Variants in MPDZ observed in about 807,000 individuals in gnomAD.
The protein encoded by MPDZ is multiple PDZ domain protein.
MPDZ carries 234 observed loss-of-function variants against 239.1 expected under a neutral mutation model. The ratio of observed to expected loss-of-function variants is 0.98; its 90% confidence interval spans 0.88 to 1.09. MPDZ has a LOEUF of 1.09. Ranked by LOEUF, MPDZ falls within the 50% of genes least tolerant of loss-of-function variation. The pLI is 0.00. For missense variants in MPDZ, 3,175 were observed against 2,510.0 expected, an observed-to-expected ratio of 1.26 and a Z score of -5.66; for synonymous variants, 1,048 against 881.3, an observed-to-expected ratio of 1.19 and a Z score of -3.35.
chr9:13,145,881 A>G (rs575179674), intron 26 of MPDZ, among the ~76,000 whole-genome samples: 100 of 152,126 alleles, frequency 6.6e-4, no homozygotes, highest in African/African-American at 2.1e-3. Flanking sequence ...TCAGCAATTT[A>G]TAGTATTGTC....
chr9:13,107,211 T>TAC (rs894799603), intron 46 of MPDZ, 100 bp from the exon 47 acceptor site: 47 of 1,263,164 alleles, frequency 3.7e-5, no homozygotes, highest in African/African-American at 3.4e-4. Context: ...GCTCTGCTTG[T>TAC]ACACACACAC....
intron 26 of MPDZ, among the ~76,000 whole-genome samples, chr9:13,146,607 T>A (rs1291505382): frequency 6.6e-6 from 1 of 152,020 alleles, no homozygotes; most frequent in Non-Finnish European, 1.5e-5. Context: ...TGGGGGTTGT[T>A]AACTTAAATC....
intron 14 of MPDZ, among the ~76,000 whole-genome samples, chr9:13,192,748 G>A (rs1187131786): frequency 6.6e-6 from 1 of 152,058 alleles, no homozygotes; most frequent in African/African-American, 2.4e-5. Context: ...AAAAATACTG[G>A]CAGATTACAA....
At chr9:13,139,769 G>T (rs528585357) in intron 28 of MPDZ, 1 of 557,992 alleles carries the variant, frequency 1.8e-6, no homozygotes, top group East Asian at 3.5e-5. Context: ...GGCAGAGTGA[G>T]CTTTAACAGC....
At chr9:13,203,653 G>A (rs904864394) in intron 12 of MPDZ, among the ~76,000 whole-genome samples, 4 of 151,314 alleles carry the variant, frequency 2.6e-5, no homozygotes, top group African/African-American at 9.7e-5. Flanking sequence ...TCACTTAGAA[G>A]TTTGTGCTTT....
At chr9:13,179,410 T>C (rs1952970186) in intron 19 of MPDZ, among the ~76,000 whole-genome samples, 1 of 152,206 alleles carries the variant, frequency 6.6e-6, no homozygotes, top group African/African-American at 2.4e-5. Flanking sequence ...TCGCCCTTGT[T>C]AGCTGGGGTG....
intron 32 of MPDZ, among the ~76,000 whole-genome samples, chr9:13,129,144 CAACA>C (rs1269405136): frequency 2.0e-5 from 3 of 152,144 alleles, no homozygotes; most frequent in African/African-American, 4.8e-5. Context: ...ATATACACAT[CAACA>C]AACAATTTAT....
At chr9:13,203,356 G>T (rs1956614154) in intron 12 of MPDZ, among the ~76,000 whole-genome samples, 2 of 152,066 alleles carry the variant, frequency 1.3e-5, no homozygotes, top group African/African-American at 4.8e-5. Context: ...ATTTAAGCGG[G>T]TGAGATTATG....
At chr9:13,122,404 A>G (rs925041513) in intron 36 of MPDZ, among the ~76,000 whole-genome samples, 3 of 152,236 alleles carry the variant, frequency 2.0e-5, no homozygotes, top group African/African-American at 7.2e-5. Flanking sequence ...GAAAAAAACT[A>G]TAAAATAAAA....
intron 39 of MPDZ, among the ~76,000 whole-genome samples, chr9:13,117,616 T>C (rs1943678772): frequency 6.6e-6 from 1 of 152,116 alleles, no homozygotes; most frequent in Non-Finnish European, 1.5e-5. Flanking sequence ...AAAGTTTATA[T>C]AGTTTTTGTC....
At chr9:13,162,364 AT>A (rs1214320172) in intron 23 of MPDZ, among the ~76,000 whole-genome samples, 1 of 152,072 alleles carries the variant, frequency 6.6e-6, no homozygotes, top group African/African-American at 2.4e-5. Flanking sequence ...GAGTAAAAAA[AT>A]CATACAATTT....
intron 1 of MPDZ, among the ~76,000 whole-genome samples, chr9:13,264,916 G>C (rs1402214555): frequency 6.6e-6 from 1 of 152,174 alleles, no homozygotes; most frequent in Non-Finnish European, 1.5e-5. Context: ...GCAGGTTGTT[G>C]GGCAGATTGC....
intron 8 of MPDZ, among the ~76,000 whole-genome samples, chr9:13,218,103 G>A (rs1958601008): frequency 2.0e-5 from 3 of 151,724 alleles, no homozygotes; most frequent in Admixed American, 2.0e-4. Flanking sequence ...GTCAGGTTGG[G>A]GCTAGCTGAT....
intron 39 of MPDZ, among the ~76,000 whole-genome samples, chr9:13,117,387 T>C (rs1297244082): frequency 1.3e-5 from 2 of 151,914 alleles, no homozygotes; most frequent in African/African-American, 4.8e-5. Flanking sequence ...AAAAATTAGC[T>C]GGGCGTGGTG....
At chr9:13,183,686 T>C in intron 18 of MPDZ, 101 bp from the exon 19 acceptor site, 3 of 1,124,892 alleles carry the variant, frequency 2.7e-6, no homozygotes, top group Non-Finnish European at 3.9e-6. Flanking sequence ...ATCATTCTTT[T>C]ATCTATTGTA....
chr9:13,117,212 C>A (rs1402362519), intron 39 of MPDZ, among the ~76,000 whole-genome samples: 1 of 152,038 alleles, frequency 6.6e-6, no homozygotes, highest in Non-Finnish European at 1.5e-5. Context: ...GCAACTGAAA[C>A]CACAGGAAGA....
At chr9:13,272,544 T>C (rs1429162516) in intron 1 of MPDZ, among the ~76,000 whole-genome samples, 9 of 151,704 alleles carry the variant, frequency 5.9e-5, no homozygotes, top group Admixed American at 5.9e-4. Flanking sequence ...ATCATATCGA[T>C]GAGGCCCCTG....
intron 10 of MPDZ, among the ~76,000 whole-genome samples, chr9:13,213,763 C>A (rs1957938378): frequency 6.6e-6 from 1 of 151,954 alleles, no homozygotes; most frequent in African/African-American, 2.4e-5. Flanking sequence ...CATCACTGAC[C>A]TTGCCTAAGA....
At chr9:13,158,772 A>C (rs1013813766) in intron 23 of MPDZ, among the ~76,000 whole-genome samples, 1 of 152,200 alleles carries the variant, frequency 6.6e-6, no homozygotes, top group Admixed American at 6.6e-5. Context: ...GGCATGTAAC[A>C]AAATGTGTCC....
Sources: gnomAD v4.1 joint callset for allele counts (sites outside exome capture counted in the v4.1 genomes callset) on GRCh38, gnomAD v4.1.1 for gene constraint, MANE v1.5 for transcripts, NCBI Gene and HGNC (gene_info 2026-07-23, HGNC 2026-07-21) for gene names.